VPS35L: variants seen among roughly 807,000 people sequenced by gnomAD.
The protein encoded by VPS35L is VPS35 endosomal protein sorting factor like.
VPS35L carries 83 observed loss-of-function variants against 133.0 expected under a neutral mutation model. That is an observed-to-expected ratio of 0.62 (90% CI 0.52 to 0.75). The LOEUF (loss-of-function observed/expected upper bound fraction) is 0.75, where lower values mean the gene tolerates loss of function less well. VPS35L is among the 30% of genes least tolerant of loss of function. The probability of loss-of-function intolerance (pLI) is 0.00; values close to 1 mark genes in which losing one functional copy is unlikely to be tolerated. For missense variants in VPS35L, 1,083 were observed against 1,206.8 expected (o/e 0.90, Z 1.52); for synonymous variants, 423 against 449.9 (o/e 0.94, Z 0.76).
chr16:19,622,103 A>T (rs988421724), intron 14 of VPS35L, among the ~76,000 whole-genome samples: 10 of 141,746 alleles, frequency 7.1e-5, no homozygotes, highest in Non-Finnish European at 9.2e-5. Context: ...ATCCCTTGGT[A>T]TACTTAGGGG....
chr16:19,646,273 C>T (rs142532280), intron 23 of VPS35L, among the ~76,000 whole-genome samples: 6 of 152,142 alleles, frequency 3.9e-5, no homozygotes, highest in Non-Finnish European at 7.4e-5. Context: ...TTTCTCACCA[C>T]TGTTCTCAGT....
chr16:19,659,342 G>A (rs9934689), intron 26 of VPS35L, among the ~76,000 whole-genome samples: 30,793 of 152,050 alleles, frequency 0.2, 5,707 homozygotes, highest in African/African-American at 0.49. Flanking sequence ...AGTTCAGAGA[G>A]TAGAGGGAGG....
intron 30 of VPS35L, 103 bp from the exon 31 acceptor site, chr16:19,700,275 C>A: frequency 9.8e-7 from 1 of 1,019,690 alleles, no homozygotes; most frequent in Non-Finnish European, 1.5e-6. Context: ...ACTCACTCTT[C>A]TCTGCTAAGA....
intron 12 of VPS35L, among the ~76,000 whole-genome samples, chr16:19,614,991 A>T (rs1292795350): frequency 6.6e-6 from 1 of 152,202 alleles, no homozygotes; most frequent in African/African-American, 2.4e-5. Flanking sequence ...ATTGCATAAA[A>T]TGTATTAAAA....
chr16:19,636,513 C>T (rs1189601998), intron 19 of VPS35L, among the ~76,000 whole-genome samples: 1 of 152,166 alleles, frequency 6.6e-6, no homozygotes, highest in Non-Finnish European at 1.5e-5. Context: ...TTTAACCAGA[C>T]AGCATTGCAG....
At chr16:19,675,913 C>G (rs775059859) in intron 27 of VPS35L, among the ~76,000 whole-genome samples, 1 of 151,998 alleles carries the variant, frequency 6.6e-6, no homozygotes, top group Non-Finnish European at 1.5e-5. Context: ...GAAAGATTTT[C>G]TTAAAGGATG....
intron 14 of VPS35L, among the ~76,000 whole-genome samples, chr16:19,624,094 G>A (rs551079509): frequency 1.3e-4 from 18 of 142,610 alleles, no homozygotes; most frequent in South Asian, 6.7e-4. Context: ...ATGAGCCATC[G>A]TGCCTACCAG....
intron 1 of VPS35L, among the ~76,000 whole-genome samples, chr16:19,558,846 C>T (rs1433252593): frequency 6.6e-6 from 1 of 151,732 alleles, no homozygotes; most frequent in African/African-American, 2.4e-5. Context: ...TTGCTTGAAC[C>T]CAGGAGGCAG....
At chr16:19,573,789 G>A (rs573638580) in intron 4 of VPS35L, among the ~76,000 whole-genome samples, 3 of 152,080 alleles carry the variant, frequency 2.0e-5, no homozygotes, top group South Asian at 2.1e-4. Flanking sequence ...CTCCAGCCTT[G>A]GTGACAGAGT....
intron 26 of VPS35L, among the ~76,000 whole-genome samples, chr16:19,668,495 GTCT>G (rs1279969259): frequency 1.3e-5 from 2 of 151,674 alleles, no homozygotes; most frequent in African/African-American, 2.4e-5. Context: ...TCCCTTTGAA[GTCT>G]TCTTGTTTTA....
At chr16:19,612,805 T>C (rs1972767839) in intron 12 of VPS35L, among the ~76,000 whole-genome samples, 1 of 152,214 alleles carries the variant, frequency 6.6e-6, no homozygotes, top group South Asian at 2.1e-4. Context: ...TACACGATCA[T>C]GTTTGTTACA....
At chr16:19,587,075 C>T (rs1971888483) in intron 7 of VPS35L, among the ~76,000 whole-genome samples, 1 of 151,302 alleles carries the variant, frequency 6.6e-6, no homozygotes, top group African/African-American at 2.4e-5. Context: ...TACATCTTTC[C>T]ATAGCAGAGC....
At chr16:19,634,310 G>A (rs941622553) in intron 19 of VPS35L, among the ~76,000 whole-genome samples, 2 of 151,322 alleles carry the variant, frequency 1.3e-5, no homozygotes, top group African/African-American at 4.9e-5. Flanking sequence ...GGTGGTGCAT[G>A]CCTATAGTCC....
chr16:19,649,693 T>C (rs1173449755), intron 24 of VPS35L, among the ~76,000 whole-genome samples: 1 of 152,232 alleles, frequency 6.6e-6, no homozygotes, highest in African/African-American at 2.4e-5. Flanking sequence ...GTCCAAACTT[T>C]TTATATCTGT....
At chr16:19,664,000 G>A (rs992900054) in intron 26 of VPS35L, among the ~76,000 whole-genome samples, 10 of 151,976 alleles carry the variant, frequency 6.6e-5, no homozygotes, top group East Asian at 5.8e-4. Flanking sequence ...GAAGTTTCCC[G>A]AATACCGTGT....
chr16:19,569,670 C>G, intron 3 of VPS35L, 79 bp downstream of exon 3: 2 of 1,352,658 alleles, frequency 1.5e-6, no homozygotes, highest in Non-Finnish European at 9.8e-7. Flanking sequence ...TGTGCCCTGC[C>G]CTTTTTTTTC....
intron 28 of VPS35L, among the ~76,000 whole-genome samples, chr16:19,683,058 G>A (rs976775293): frequency 6.6e-6 from 1 of 152,132 alleles, no homozygotes; most frequent in Non-Finnish European, 1.5e-5. Context: ...CCAAGTAGCT[G>A]GGAATACAGG....
At chr16:19,616,934 T>TA in intron 14 of VPS35L, 126 bp downstream of exon 14, 1 of 1,375,022 alleles carries the variant, frequency 7.3e-7, no homozygotes, top group Non-Finnish European at 1.0e-6. Context: ...CTAGCCAGCC[T>TA]TTATAGAGGG....
chr16:19,594,644 C>CA (rs57187565), intron 8 of VPS35L, among the ~76,000 whole-genome samples: 1,432 of 31,416 alleles, frequency 0.046, 241 homozygotes, highest in South Asian at 0.12. Flanking sequence ...GATTTCGTCT[C>CA]AAAAAAAAAA....
Sources: allele counts gnomAD v4.1 joint callset (sites outside exome capture counted in the v4.1 genomes callset), GRCh38; gene constraint gnomAD v4.1.1; transcripts MANE v1.5; gene names NCBI Gene and HGNC (gene_info 2026-07-23, HGNC 2026-07-21).